The following SAE1 variants were observed in gnomAD, a reference collection of about 807,000 sequenced individuals.
SAE1 encodes the protein SUMO1 activating enzyme subunit 1.
A neutral mutation model predicts 40.6 loss-of-function variants in SAE1; 11 were observed. The observed-to-expected ratio is 0.27, with a 90% CI of 0.17 to 0.45. SAE1 has a LOEUF of 0.45. Among genes scored for constraint, SAE1 ranks in the 20% least tolerant of loss-of-function variants. SAE1 has a pLI of 1.00. For missense variants in SAE1, 373 were observed against 427.3 expected (o/e 0.87, Z 1.12); for synonymous variants, 155 against 154.3 (o/e 1.00, Z -0.03).
Position 47,155,198 on chromosome 19 carries a change from A to C in SAE1, c.612A>C (p.Thr204=). Residue 204 remains threonine (T), a synonymous_variant, in exon 5 of 9, where the codon ACA becomes ACC. Transcript: ENST00000270225. ...TKRAKLDSSE[T]TMVKKKVVFC... is the part of the protein sequence containing the mutation. ...GAGCAAAACTTGATTCTTCTGAGACAACGATGGTCAAAAAGGTATGTGTAA... is the reference window on the plus strand; with the variant it reads ...GAGCAAAACTTGATTCTTCTGAGACCACGATGGTCAAAAAGGTATGTGTAA... 6.2e-7 allele frequency: 1 copy of C among 1,613,170 alleles called. No individual in the cohort carries two copies. The highest frequency in any genetic ancestry group is 1.7e-5 in the Admixed American group (1 of 59,980).
In SAE1 at chr19:47,150,168, A is replaced by G. The variant is rs559232715; in HGVS notation, c.211-34A>G. 5.6e-5 allele frequency: 80 copies of G among 1,428,860 alleles called. No individual in the cohort carries two copies. The South Asian group carries it at 1.1e-3, about 20-fold the overall frequency. The allele number at this position is 1,428,860 out of a possible 1,614,324, so 88.5% of individuals were successfully genotyped here. On this transcript the variant is annotated intron_variant, in intron 2 of 8. Transcript: ENST00000270225. ...TTTAAGATTTATTTTCCCTAAAAAT[A>G]CAAGACTTAAAAAAATATGTGTATT...
At chr19:47,185,414 C>T (rs1174833538) in intron 6 of SAE1, among the ~76,000 whole-genome samples, 1 of 151,928 alleles carries the variant, frequency 6.6e-6, no homozygotes, top group African/African-American at 2.4e-5. Context: ...AAGTGATTTT[C>T]CTGCCTCAGC....
intron 6 of SAE1, among the ~76,000 whole-genome samples, chr19:47,172,549 CA>C (rs2123258581): frequency 6.6e-6 from 1 of 152,018 alleles, no homozygotes; most frequent in African/African-American, 2.4e-5. Context: ...ACTAAAAATA[CA>C]AAAATTAGCC....
intron 5 of SAE1, among the ~76,000 whole-genome samples, chr19:47,160,388 ATTTT>A (rs34266912): frequency 1.3e-5 from 1 of 75,106 alleles, no homozygotes; most frequent in Non-Finnish European, 2.7e-5. Context: ...CGCCCAGCTA[ATTTT>A]TTTTTTTTTT....
intron 6 of SAE1, among the ~76,000 whole-genome samples, chr19:47,181,762 A>C (rs1190877233): frequency 7.3e-6 from 1 of 137,114 alleles, no homozygotes; most frequent in Non-Finnish European, 1.5e-5. Context: ...TATAAGTGTG[A>C]GCCAGTGCAC....
In SAE1 at chr19:47,209,282, A is replaced by G. The variant is rs761536838; in HGVS notation, c.*31A>G. On this transcript the variant is annotated 3_prime_UTR_variant, in exon 9 of 9. Transcript: ENST00000270225. ...AGATTTGGCAGCCCCAGAGATGCCA[A>G]CTGCAGCATGCCCACCTGTATTCCC... is the stretch of plus-strand genomic sequence containing the variant. 9 of 1,613,992 alleles carry G rather than the reference A, an allele frequency of 5.6e-6. No individual in the cohort carries two copies. Among genetic ancestry groups the G allele is most frequent in the East Asian group, 4.5e-5 (2 of 44,880 alleles).
intron 8 of SAE1, among the ~76,000 whole-genome samples, chr19:47,208,625 G>A (rs1337183802): frequency 5.9e-5 from 9 of 151,992 alleles, no homozygotes; most frequent in Non-Finnish European, 1.5e-5. Context: ...AGGTTTCACC[G>A]TGTTGGCCAG....
At chr19:47,171,265 G>A (rs1445950685) in intron 6 of SAE1, among the ~76,000 whole-genome samples, 2 of 151,100 alleles carry the variant, frequency 1.3e-5, no homozygotes, top group Admixed American at 6.6e-5. Flanking sequence ...GAGCCACCGC[G>A]CCTGGCAAAC....
intron 1 of SAE1, among the ~76,000 whole-genome samples, chr19:47,132,418 A>ATT (rs1347663048): frequency 2.7e-5 from 4 of 145,712 alleles, no homozygotes; most frequent in African/African-American, 1.0e-4. Flanking sequence ...CATCCGACTA[A>ATT]TTTTTGTTTT....
chr19:47,200,811 A>C (rs932047225), intron 7 of SAE1, among the ~76,000 whole-genome samples: 3 of 152,066 alleles, frequency 2.0e-5, no homozygotes, highest in African/African-American at 7.2e-5. Flanking sequence ...TATAACAAAG[A>C]CCATATGGCC....
intron 4 of SAE1, 50 bp downstream of exon 4, chr19:47,153,090 C>A: frequency 1.6e-6 from 2 of 1,240,230 alleles, no homozygotes; most frequent in Non-Finnish European, 2.2e-6. Flanking sequence ...CCTTTTTATA[C>A]TTTTTTTTTT....
intron 6 of SAE1, among the ~76,000 whole-genome samples, chr19:47,178,022 C>A (rs1182647435): frequency 6.6e-6 from 1 of 152,066 alleles, no homozygotes; most frequent in Non-Finnish European, 1.5e-5. Context: ...GTGGGCAGAT[C>A]ATGAGGTCAA....
rs189973906 is a variant in SAE1, at chr19:47,171,264, C to T, written c.733+1341C>T. Among the ~76,000 whole-genome samples the T allele has an allele frequency of 2.0e-4, 30 of 150,990 alleles. No homozygotes were observed. The East Asian group carries it at 4.0e-3, about 20-fold the overall frequency. On this transcript the variant is annotated intron_variant, in intron 6 of 8. Transcript: ENST00000270225. Reference sequence around the variant, plus strand: ...CTGTGATTACAGGTGTGAGCCACCGCGCCTGGCAAACCTGGCACTTTTAAT... The same window carrying T: ...CTGTGATTACAGGTGTGAGCCACCGTGCCTGGCAAACCTGGCACTTTTAAT...
chr19:47,160,783 C>G (rs962074468), intron 5 of SAE1, among the ~76,000 whole-genome samples: 2 of 152,070 alleles, frequency 1.3e-5, no homozygotes, highest in African/African-American at 4.8e-5. Flanking sequence ...CCCGCCTCAG[C>G]CTCCCAAAGT....
intron 7 of SAE1, among the ~76,000 whole-genome samples, chr19:47,201,899 C>G (rs2058657777): frequency 6.6e-6 from 1 of 152,172 alleles, no homozygotes; most frequent in Non-Finnish European, 1.5e-5. Context: ...TCCCAAAGTG[C>G]TGGGATTACA....
At chr19:47,192,333 C>T (rs1329042881) in intron 6 of SAE1, among the ~76,000 whole-genome samples, 1 of 152,026 alleles carries the variant, frequency 6.6e-6, no homozygotes, top group Non-Finnish European at 1.5e-5. Flanking sequence ...TCACTGCAAC[C>T]TCTGCCTCCT....
chr19:47,169,951 G>C (rs375316853), intron 6 of SAE1, 28 bp downstream of exon 6: 11 of 1,547,890 alleles, frequency 7.1e-6, no homozygotes, highest in South Asian at 6.7e-5. Context: ...AACTTACCCC[G>C]GGAGAGCTTT....
chr19:47,181,454 GTTTTTC>G (rs2058505452), intron 6 of SAE1, among the ~76,000 whole-genome samples: 1 of 137,396 alleles, frequency 7.3e-6, no homozygotes, highest in Admixed American at 7.2e-5. Context: ...TTTTTGTTTT[GTTTTTC>G]TTGTTTTTTC....
At chr19:47,198,615 A>T (rs114032036) in intron 7 of SAE1, among the ~76,000 whole-genome samples, 1 of 152,208 alleles carries the variant, frequency 6.6e-6, no homozygotes, top group African/African-American at 2.4e-5. Context: ...GTATCATTAC[A>T]GTGCTTGCTC....
Sources: gnomAD v4.1 joint callset for allele counts (sites outside exome capture counted in the v4.1 genomes callset) on GRCh38, gnomAD v4.1.1 for gene constraint, MANE v1.5 for transcripts, NCBI Gene and HGNC (gene_info 2026-07-23, HGNC 2026-07-21) for gene names.